HEATR6: variants seen among roughly 807,000 people sequenced by gnomAD.
HEATR6 encodes HEAT repeat-containing protein 6.
A neutral mutation model predicts 132.8 loss-of-function variants in HEATR6; 106 were observed. The ratio of observed to expected loss-of-function variants is 0.80; its 90% CI spans 0.68 to 0.94. The LOEUF (loss-of-function observed/expected upper bound fraction) is 0.94. HEATR6 is among the 40% of genes least tolerant of loss of function. The pLI is 0.00. For missense variants in HEATR6, 1,339 were observed against 1,425.1 expected (o/e 0.94, Z 0.97); for synonymous variants, 529 against 537.8 (o/e 0.98, Z 0.23).
intron 9 of HEATR6, chr17:60,064,471 C>A (rs887490342): frequency 6.6e-6 from 1 of 152,236 alleles, no homozygotes; most frequent in Non-Finnish European, 1.5e-5. Context: ...CTTATTTAAA[C>A]CCTTCCAAGC....
At chr17:60,078,453 A>G (rs1192423219) in intron 1 of HEATR6, among the ~76,000 whole-genome samples, 1 of 150,818 alleles carries the variant, frequency 6.6e-6, no homozygotes, top group Non-Finnish European at 1.5e-5. Context: ...CAGAGAGGAA[A>G]CCCGAGGCAT....
intron 1 of HEATR6, chr17:60,076,618 G>T: frequency 6.1e-6 from 1 of 162,800 alleles, no homozygotes; most frequent in Non-Finnish European, 1.3e-5. Context: ...TGGGAGGATG[G>T]CTTGAGCCCA....
intron 12 of HEATR6, 130 bp downstream of exon 12, chr17:60,056,918 C>A: frequency 3.2e-6 from 2 of 633,536 alleles, no homozygotes; most frequent in South Asian, 2.2e-5. Context: ...AATACACCAC[C>A]CATACCTAAA....
At chr17:60,061,892 C>A (rs527423861) in intron 9 of HEATR6, among the ~76,000 whole-genome samples, 1 of 152,330 alleles carries the variant, frequency 6.6e-6, no homozygotes, top group East Asian at 1.9e-4. Context: ...ACAATTCCAA[C>A]AGCTCACAAA....
At position 60,072,271 on chromosome 17, in the gene HEATR6, GA is replaced by G. The variant is rs1480527269; in HGVS notation, c.642del (p.Leu215Ter). ...GATTTTGGAGACTGTAAAATAGTCAGAAAAGCTTGGAAACAGACATTTTGGT... is the reference window on the plus strand; with the variant it reads ...GATTTTGGAGACTGTAAAATAGTCAGAAAGCTTGGAAACAGACATTTTGGT... ...EPYQNVCFQA[F>X]LTILQSPKSS... is the part of the protein sequence containing the mutation. On this transcript the variant is annotated frameshift_variant, in exon 5 of 20. Transcript: ENST00000184956. LOFTEE classifies it high-confidence loss of function. The G allele has an allele frequency of 6.2e-7, 1 of 1,611,172 alleles. No individual in the cohort carries two copies. Among genetic ancestry groups the G allele is most frequent in the Non-Finnish European group, 8.5e-7 (1 of 1,178,168 alleles).
At chr17:60,076,944 T>TAAA (rs61125649) in intron 1 of HEATR6, among the ~76,000 whole-genome samples, 2 of 122,332 alleles carry the variant, frequency 1.6e-5, no homozygotes, top group Non-Finnish European at 1.8e-5. Flanking sequence ...AGGGAATTCT[T>TAAA]AAAAAAAAAA....
rs191831788 is a variant in HEATR6, at chr17:60,048,531, C to T, written c.2548-143G>A. 2.2e-4 allele frequency: 188 copies of T among 850,602 alleles called. No individual in the cohort carries two copies. The African/African-American group carries it at 3.0e-3, about 14-fold the overall frequency. The allele number at this position is 850,602 out of a possible 1,614,324, so 52.7% of individuals were successfully genotyped here. A position where few individuals can be genotyped will look rare whatever the true frequency, so the allele number is the denominator to read the frequency against. On this transcript the variant is annotated intron_variant, in intron 16 of 19. Transcript: ENST00000184956. ...AAAATTCATCTACTCAATCAATTTACTGTTCTTATATTTTACAATTTGGAC... is the reference window on the plus strand; with the variant it reads ...AAAATTCATCTACTCAATCAATTTATTGTTCTTATATTTTACAATTTGGAC...
chr17:60,043,983 G>T lies in HEATR6; in HGVS notation c.3126C>A (p.Ile1042=), dbSNP rs771132703. 4.3e-6 allele frequency: 7 copies of T among 1,613,954 alleles called. No homozygotes were observed. The South Asian group carries it at 7.7e-5, about 18-fold the overall frequency. ...QYGSVDQYAR[I]WNALVTALQK... is the part of the protein sequence containing the mutation. Reference sequence around the variant, plus strand: ...GTAAAGCGGTGACCAATGCATTCCAGATCCGAGCATACTGGTCAACAGACC... The same window carrying T: ...GTAAAGCGGTGACCAATGCATTCCATATCCGAGCATACTGGTCAACAGACC... Residue 1042 remains isoleucine (I), a synonymous_variant, in exon 20 of 20, where the codon ATC becomes ATA. Coordinates refer to ENST00000184956, the MANE Select transcript of HEATR6 (RefSeq NM_022070.5).
intron 11 of HEATR6, 149 bp downstream of exon 11, chr17:60,059,273 C>G (rs768636576): frequency 1.4e-4 from 69 of 510,976 alleles, no homozygotes; most frequent in Non-Finnish European, 2.1e-4. Flanking sequence ...ACAGCTTATA[C>G]CCCTGAAAAG....
chr17:60,062,435 T>C (rs188477634), intron 9 of HEATR6, among the ~76,000 whole-genome samples: 2 of 152,378 alleles, frequency 1.3e-5, no homozygotes, highest in Admixed American at 1.3e-4. Context: ...AAGACTTGTC[T>C]AAAGCTAATA....
At position 60,048,359 on chromosome 17, in the gene HEATR6, A is replaced by T; in HGVS notation, c.2577T>A (p.Asn859Lys). 2 of 1,612,742 alleles carry T rather than the reference A, an allele frequency of 1.2e-6. No individual in the cohort carries two copies. The highest frequency in any genetic ancestry group is 8.5e-7 in the Non-Finnish European group (1 of 1,179,006). Residue 859 changes from asparagine (N) to lysine (K), a missense_variant, in exon 17 of 20, where the codon AAT (asparagine) becomes AAA (lysine). By Grantham distance (94) the Asn-to-Lys change is moderately conservative. Transcript: ENST00000184956. ...TGTCTTCAAGTGACATCAATATTGC[A>T]TTTGCTGCGTCTGCAACAAATATGA... ...QDVIFVADAANAILMSLEDKS... is the reference protein window; with the variant it reads ...QDVIFVADAAKAILMSLEDKS...
At position 60,073,735 on chromosome 17, in the gene HEATR6, C is replaced by T; in HGVS notation, c.468+11G>A. ...GGCCTTTCAAAGGAAGGATAAAGCACTTTAAACTACCTTTTGACATTTGGA... is the reference window on the plus strand; with the variant it reads ...GGCCTTTCAAAGGAAGGATAAAGCATTTTAAACTACCTTTTGACATTTGGA... On this transcript the variant is annotated intron_variant, in intron 3 of 19. Transcript: ENST00000184956. 1.9e-6 allele frequency: 3 copies of T among 1,613,086 alleles called. 1 individual carries two copies. In the South Asian group the frequency reaches 3.3e-5, roughly 18 times the overall value.
At chr17:60,049,838 T>C (rs1042670601) in intron 15 of HEATR6, 136 bp from the exon 16 acceptor site, 9 of 915,858 alleles carry the variant, frequency 9.8e-6, no homozygotes, top group Non-Finnish European at 9.7e-6. Flanking sequence ...GAGGCTACCC[T>C]GGTAAAAAGC....
At chr17:60,064,239 G>A (rs1029943153) in intron 9 of HEATR6, 1 of 153,014 alleles carries the variant, frequency 6.5e-6, no homozygotes, top group Admixed American at 6.5e-5. Flanking sequence ...CCGGGAGGCA[G>A]AGGTTGCAGT....
In HEATR6 at chr17:60,078,806, G is replaced by A. The variant is rs1469699997; in HGVS notation, c.109C>T (p.Leu37Phe). ...CTGTCATCCGGGCGCAGGGCGCAGA[G>A]CCTGGCAGACAAGAGGCGAAACCCA... is the stretch of plus-strand genomic sequence containing the variant. ...GNGFRLLSAR[L>F]CALRPDDSSS... Residue 37 changes from leucine (L) to phenylalanine (F), a missense_variant, in exon 1 of 20, where the codon CTC (leucine) becomes TTC (phenylalanine). Leu to Phe is a conservative substitution (Grantham distance 22). Coordinates refer to ENST00000184956, the MANE Select transcript of HEATR6 (RefSeq NM_022070.5). 1.2e-6 allele frequency: 2 copies of A among 1,600,430 alleles called. No individual in the cohort carries two copies. Among genetic ancestry groups the A allele is most frequent in the East Asian group, 2.3e-5 (1 of 44,134 alleles).
At chr17:60,049,732 T>A (rs1395778569) in intron 15 of HEATR6, 30 bp from the exon 16 acceptor site, 5 of 1,607,512 alleles carry the variant, frequency 3.1e-6, no homozygotes, top group Non-Finnish European at 4.2e-6. Flanking sequence ...AAGGGAAAAA[T>A]GAGAATGAAA....
intron 14 of HEATR6, among the ~76,000 whole-genome samples, chr17:60,053,666 A>C (rs1263971462): frequency 6.6e-6 from 1 of 152,160 alleles, no homozygotes; most frequent in African/African-American, 2.4e-5. Context: ...AACTGGAGGA[A>C]AGGTCACCTT....
Position 60,059,532 on chromosome 17 carries a change from CA to C in HEATR6, c.1624-12del. On this transcript the variant is annotated splice_polypyrimidine_tract_variant and intron_variant, in intron 10 of 19. Transcript: ENST00000184956. The stretch of plus-strand genomic sequence containing the variant: ...TAAATTTGCAAGGCACTGTAAAACA[CA>C]AAAAGTAGCTCATCAAAAGGCTTGA... The C allele has an allele frequency of 6.4e-7, 1 of 1,563,096 alleles. No homozygotes were observed.
chr17:60,043,738 CT>C lies in HEATR6; in HGVS notation c.3370del (p.Ser1124AlafsTer35). ...AEGDDTGAPH[S>X]PQERDQMVRM... is the part of the protein sequence containing the mutation. ...GACCATCTGGTCTCTTTCCTGTGGGCTGTGGGGTGCTCCAGTGTCATCTCCC... is the reference window on the plus strand; with the variant it reads ...GACCATCTGGTCTCTTTCCTGTGGGCGTGGGGTGCTCCAGTGTCATCTCCC... On this transcript the variant is annotated frameshift_variant, in exon 20 of 20. Transcript: ENST00000184956. LOFTEE classifies it high-confidence loss of function. 1 of 1,614,162 alleles carries C rather than the reference CT, an allele frequency of 6.2e-7. No homozygotes were observed. Among genetic ancestry groups the C allele is most frequent in the Non-Finnish European group, 8.5e-7 (1 of 1,180,034 alleles).
Sources: allele counts gnomAD v4.1 joint callset (sites outside exome capture counted in the v4.1 genomes callset), GRCh38; gene constraint gnomAD v4.1.1; transcripts MANE v1.5; gene names NCBI Gene and HGNC (gene_info 2026-07-23, HGNC 2026-07-21).